Variants in TDRD7 observed in about 807,000 individuals in gnomAD.
TDRD7 encodes the protein tudor domain-containing protein 7.
Under a neutral mutation model 109.8 loss-of-function variants are expected in TDRD7, and 47 were observed. That is an observed-to-expected ratio of 0.43 (90% CI 0.34 to 0.55). The LOEUF (loss-of-function observed/expected upper bound fraction) is 0.55. Among genes scored for constraint, TDRD7 ranks in the 20% least tolerant of loss-of-function variants. The pLI, the probability that TDRD7 is intolerant of heterozygous loss-of-function variation, is 0.03. For synonymous variants in TDRD7, 424 were observed against 457.3 expected, an observed-to-expected ratio of 0.93 and a Z score of 0.93; for missense variants, 1,164 against 1,319.2, an observed-to-expected ratio of 0.88 and a Z score of 1.82.
chr9:97,441,628 G>C (rs1289044135), intron 5 of TDRD7, 30 bp from the exon 6 acceptor site: 2 of 1,521,844 alleles, frequency 1.3e-6, no homozygotes, highest in African/African-American at 2.8e-5. Context: ...TAAGCATTTT[G>C]GTTAATTCTA....
intron 1 of TDRD7, among the ~76,000 whole-genome samples, chr9:97,427,528 C>T (rs768897542): frequency 2.6e-5 from 4 of 152,144 alleles, no homozygotes; most frequent in Non-Finnish European, 4.4e-5. Flanking sequence ...GACTTCTAAC[C>T]TAATTTCCTA....
At chr9:97,462,318 A>T (rs1312787501) in intron 7 of TDRD7, among the ~76,000 whole-genome samples, 1 of 152,214 alleles carries the variant, frequency 6.6e-6, no homozygotes, top group Non-Finnish European at 1.5e-5. Flanking sequence ...GGGTCGTCAG[A>T]TTATTTAAAT....
chr9:97,439,816 C>T (rs940988075), intron 5 of TDRD7, among the ~76,000 whole-genome samples: 3 of 152,092 alleles, frequency 2.0e-5, no homozygotes, highest in Non-Finnish European at 4.4e-5. Flanking sequence ...TAATAGAATC[C>T]AAGTGGGCTG....
In TDRD7 at chr9:97,464,890, G is replaced by A; in HGVS notation, c.1491G>A (p.Glu497=). The stretch of plus-strand genomic sequence containing the variant: ...CTGCTCAGGAATTAATGGAAGATGA[G>A]ATGAAGGAATATTACAGTAAGAATC... ...YSAAQELMED[E]MKEYYSKNPK... Residue 497 remains glutamate, a synonymous_variant, in exon 8 of 17, where the codon GAG becomes GAA. Coordinates refer to ENST00000355295, the MANE Select transcript of TDRD7 (RefSeq NM_014290.3). 6.2e-7 allele frequency: 1 copy of A among 1,614,180 alleles called. No individual in the cohort carries two copies. The highest frequency in any genetic ancestry group is 8.5e-7 in the Non-Finnish European group (1 of 1,180,012).
At chr9:97,454,641 G>T (rs1167721732) in intron 6 of TDRD7, among the ~76,000 whole-genome samples, 1 of 152,098 alleles carries the variant, frequency 6.6e-6, no homozygotes, top group Non-Finnish European at 1.5e-5. Flanking sequence ...AAACAAATAA[G>T]AACAAACAGA....
At chr9:97,460,854 T>G (rs1828706112) in intron 7 of TDRD7, 90 bp downstream of exon 7, 2 of 1,271,622 alleles carry the variant, frequency 1.6e-6, no homozygotes, top group African/African-American at 3.0e-5. Context: ...AAAGGAAGAA[T>G]AATATGGCCG....
At chr9:97,447,866 G>A (rs1184923514) in intron 6 of TDRD7, among the ~76,000 whole-genome samples, 1 of 152,230 alleles carries the variant, frequency 6.6e-6, no homozygotes, top group Non-Finnish European at 1.5e-5. Context: ...ACATGAGCAA[G>A]AGGCCTAACC....
At chr9:97,428,385 T>A (rs1236645899) in intron 1 of TDRD7, 75 bp from the exon 2 acceptor site, 9 of 1,426,934 alleles carry the variant, frequency 6.3e-6, no homozygotes, top group Non-Finnish European at 8.8e-6. Context: ...AGTAACAAGT[T>A]TCAGCTCTGA....
chr9:97,472,819 CT>C (rs1344905422), intron 10 of TDRD7, among the ~76,000 whole-genome samples: 1 of 151,488 alleles, frequency 6.6e-6, no homozygotes, highest in African/African-American at 2.4e-5. Flanking sequence ...TTAGCTTTAA[CT>C]TTTTTTTAAT....
intron 6 of TDRD7, among the ~76,000 whole-genome samples, chr9:97,454,883 G>A (rs1001136982): frequency 2.6e-5 from 4 of 152,098 alleles, no homozygotes; most frequent in Non-Finnish European, 4.4e-5. Flanking sequence ...AAAAATCGAC[G>A]AATCCAAGAG....
intron 5 of TDRD7, among the ~76,000 whole-genome samples, chr9:97,440,638 T>C (rs1040356251): frequency 6.6e-6 from 1 of 152,128 alleles, no homozygotes; most frequent in African/African-American, 2.4e-5. Context: ...AGCGTCCAAG[T>C]GTCCTCAAGG....
At position 97,461,868 on chromosome 9, in the gene TDRD7, C is replaced by G. The variant is rs528919436; in HGVS notation, c.1442+1104C>G. On this transcript the variant is annotated intron_variant, in intron 7 of 16. Coordinates refer to ENST00000355295, the MANE Select transcript of TDRD7 (RefSeq NM_014290.3). ...TGAGATGGAAAAGCCCAAAGAAGAA[C>G]CACAAAAAATAATTAGAATCCTTCA... 2.6e-5 allele frequency among the ~76,000 whole-genome samples: 4 copies of G among 152,120 alleles called. No individual in the cohort carries two copies. In the South Asian group the frequency reaches 8.3e-4, roughly 32 times the overall value.
At chr9:97,450,064 C>T (rs934258614) in intron 6 of TDRD7, among the ~76,000 whole-genome samples, 5 of 151,536 alleles carry the variant, frequency 3.3e-5, no homozygotes, top group African/African-American at 9.7e-5. Context: ...AAGTTTAAGG[C>T]GTATTAGGTA....
At chr9:97,448,771 T>G (rs1587871995) in intron 6 of TDRD7, among the ~76,000 whole-genome samples, 2 of 152,312 alleles carry the variant, frequency 1.3e-5, no homozygotes, top group African/African-American at 4.8e-5. Context: ...AATTTAGAAC[T>G]TAATTTAAAA....
intron 9 of TDRD7, among the ~76,000 whole-genome samples, chr9:97,471,920 T>A (rs1828921824): frequency 6.6e-6 from 1 of 152,182 alleles, no homozygotes; most frequent in Non-Finnish European, 1.5e-5. Flanking sequence ...ATGTAGGAAG[T>A]GCATTACAAA....
intron 6 of TDRD7, among the ~76,000 whole-genome samples, chr9:97,449,766 C>T (rs1828460599): frequency 6.6e-6 from 1 of 152,152 alleles, no homozygotes; most frequent in South Asian, 2.1e-4. Flanking sequence ...TCTAATCCTG[C>T]CTTGGACTTT....
intron 4 of TDRD7, among the ~76,000 whole-genome samples, chr9:97,433,183 T>C (rs1268560323): frequency 6.6e-6 from 1 of 152,154 alleles, no homozygotes; most frequent in Non-Finnish European, 1.5e-5. Context: ...CCCCAGGAAC[T>C]TTCCCCCAGA....
intron 4 of TDRD7, among the ~76,000 whole-genome samples, chr9:97,434,353 C>T (rs550969223): frequency 3.9e-5 from 6 of 152,082 alleles, no homozygotes; most frequent in East Asian, 1.9e-4. Context: ...AAGGCAGGGA[C>T]GTGGGGTTAG....
intron 6 of TDRD7, among the ~76,000 whole-genome samples, chr9:97,453,247 G>T (rs1828532271): frequency 6.6e-6 from 1 of 152,118 alleles, no homozygotes; most frequent in South Asian, 2.1e-4. Context: ...GGCTCATCTG[G>T]GTTTGGCTGC....
Sources: gnomAD v4.1 joint callset for allele counts (sites outside exome capture counted in the v4.1 genomes callset) on GRCh38, gnomAD v4.1.1 for gene constraint, MANE v1.5 for transcripts, NCBI Gene and HGNC (gene_info 2026-07-23, HGNC 2026-07-21) for gene names.